Variants in ZNF326 observed in about 807,000 individuals in gnomAD.
ZNF326 encodes the protein zinc finger protein 326, also known as DBIRD complex subunit ZNF326.
In ZNF326, 30 loss-of-function variants were observed where a neutral mutation model predicts 63.1. That is an observed-to-expected ratio of 0.48 (90% CI 0.36 to 0.64). ZNF326 has a LOEUF of 0.64. Among genes scored for constraint, ZNF326 ranks in the 30% least tolerant of loss-of-function variants. ZNF326 has a pLI of 0.00. For missense variants in ZNF326, 609 were observed against 720.3 expected (o/e 0.85, Z 1.77); for synonymous variants, 194 against 228.2 (o/e 0.85, Z 1.35).
Position 90,030,777 on chromosome 1 carries a change from C to T in ZNF326, c.*3076C>T, listed in dbSNP as rs141443089. ...ACCTCCTGGGCTCAAGCGGTCGTCC[C>T]GCCTTAGCCTCCCAAGTAGCTGGGA... is the stretch of plus-strand genomic sequence containing the variant. On this transcript the variant is annotated 3_prime_UTR_variant, in exon 12 of 12. Coordinates refer to ENST00000340281, the MANE Select transcript of ZNF326 (RefSeq NM_182976.4). 0.011 allele frequency: 1,740 copies of T among 152,184 alleles called. 22 individuals are homozygous for T. The highest frequency in any genetic ancestry group is 0.065 in the South Asian group (313 of 4,820). The allele number at this position is 152,184 out of a possible 1,614,324, so 9.4% of individuals were successfully genotyped here. A position where few individuals can be genotyped will look rare whatever the true frequency, so the allele number is the denominator to read the frequency against.
intron 1 of ZNF326, among the ~76,000 whole-genome samples, chr1:89,997,778 A>G (rs930307979): frequency 6.6e-6 from 1 of 152,214 alleles, no homozygotes; most frequent in Non-Finnish European, 1.5e-5. Context: ...GCATTATTTG[A>G]TACATAATTT....
intron 2 of ZNF326, among the ~76,000 whole-genome samples, chr1:90,001,610 A>G (rs2101052894): frequency 6.6e-6 from 1 of 151,266 alleles, no homozygotes; most frequent in Admixed American, 6.6e-5. Flanking sequence ...CTAGAGTGCA[A>G]TGGTGTGATC....
In ZNF326 at chr1:90,028,560, G is replaced by A. The variant is rs1457465750; in HGVS notation, c.*859G>A. Reference sequence around the variant, plus strand: ...TTTCTGTAGTTGTGTTAGTTCTTTTGTCATGTCTGTTTTTGGCTGAAGAAC... The same window carrying A: ...TTTCTGTAGTTGTGTTAGTTCTTTTATCATGTCTGTTTTTGGCTGAAGAAC... On this transcript the variant is annotated 3_prime_UTR_variant, in exon 12 of 12. Coordinates refer to ENST00000340281, the MANE Select transcript of ZNF326 (RefSeq NM_182976.4). The A allele has an allele frequency of 2.0e-5, 3 of 152,000 alleles. No individual in the cohort carries two copies. Among genetic ancestry groups the A allele is most frequent in the Non-Finnish European group, 4.4e-5 (3 of 67,974 alleles). The allele number at this position is 152,000 out of a possible 1,614,324, so 9.4% of individuals were successfully genotyped here.
At chr1:90,003,066 A>C (rs1486527224) in intron 2 of ZNF326, among the ~76,000 whole-genome samples, 3 of 151,902 alleles carry the variant, frequency 2.0e-5, no homozygotes, top group African/African-American at 7.3e-5. Flanking sequence ...GAAAGCATGA[A>C]TTTTATCCTT....
Position 90,014,844 on chromosome 1 carries a change from CTT to C in ZNF326, c.926+1609_926+1610del, listed in dbSNP as rs532564197. 1.6e-4 allele frequency among the ~76,000 whole-genome samples: 24 copies of C among 152,196 alleles called. No individual in the cohort carries two copies. In the South Asian group the frequency reaches 4.8e-3, roughly 30 times the overall value. On this transcript the variant is annotated intron_variant, in intron 7 of 11. Transcript: ENST00000340281. ...AGTTAATATTTTGGTGTAGAAATGA[CTT>C]TAAATTATCAGCGTCTTGGAGTGTA...
intron 10 of ZNF326, among the ~76,000 whole-genome samples, 167 bp downstream of exon 10, chr1:90,021,089 C>T (rs1649748054): frequency 6.6e-6 from 1 of 152,050 alleles, no homozygotes; most frequent in Non-Finnish European, 1.5e-5. Context: ...TAAGACTGAG[C>T]TCTAAAGTAA....
At chr1:90,006,523 G>A (rs1006966501) in intron 4 of ZNF326, 8 of 965,810 alleles carry the variant, frequency 8.3e-6, no homozygotes, top group African/African-American at 3.5e-5. Context: ...TTAAAACCTC[G>A]AGGAGACTGT....
intron 8 of ZNF326, 123 bp from the exon 9 acceptor site, chr1:90,018,559 CCTT>C (rs1649608935): frequency 1.0e-5 from 5 of 480,114 alleles, no homozygotes; most frequent in Middle Eastern, 3.4e-4. Context: ...ATTATAAACT[CCTT>C]GAGAAAAGAT....
In ZNF326 at chr1:90,020,934, A is replaced by C; in HGVS notation, c.1305+12A>C. 2 of 1,610,678 alleles carry C rather than the reference A, an allele frequency of 1.2e-6. No homozygotes were observed. The highest frequency in any genetic ancestry group is 1.7e-6 in the Non-Finnish European group (2 of 1,178,582). On this transcript the variant is annotated intron_variant, in intron 10 of 11. Coordinates refer to ENST00000340281, the MANE Select transcript of ZNF326 (RefSeq NM_182976.4). ...TCAAAGGGAAGCAGGTAAAATTTTC[A>C]TCTGTCTTAATAAAGTTGCCAGATT...
In ZNF326 at chr1:90,007,482, G is replaced by A. The variant is rs1649042042; in HGVS notation, c.347G>A (p.Arg116Gln). The change falls in exon 5 of 12, where the codon CGG (arginine) becomes CAG (glutamine). Residue 116 changes from arginine (R) to glutamine (Q), a missense_variant. Arg to Gln is a conservative substitution (Grantham distance 43). Around this residue, in one of 3 missense-constraint regions of ZNF326, gnomAD observed 113 missense variants for 187.4 expected, o/e 0.60. Coordinates refer to ENST00000340281, the MANE Select transcript of ZNF326 (RefSeq NM_182976.4). This position sits in a 1 kb window ranked among gnomAD's most constrained non-coding sequence, Gnocchi z 4.9. ...SYGGRFESSY[R>Q]NSLDSFGGRN... ...GGTGGTCGATTTGAGAGCTCCTACCGGAATAGCCTTGACTCTTTCGGAGGT... is the reference window on the plus strand; with the variant it reads ...GGTGGTCGATTTGAGAGCTCCTACCAGAATAGCCTTGACTCTTTCGGAGGT... 3 of 1,614,076 alleles carry A rather than the reference G, an allele frequency of 1.9e-6. No homozygotes were observed. Among genetic ancestry groups the A allele is most frequent in the Non-Finnish European group, 2.5e-6 (3 of 1,180,014 alleles).
rs145587449 is a variant in ZNF326 at position 89,996,290 on chromosome 1, A to T, written c.16+1017A>T. Among the ~76,000 whole-genome samples the T allele has an allele frequency of 3.5e-3, 529 of 152,352 alleles. 4 individuals are homozygous for T. Among genetic ancestry groups the T allele is most frequent in the South Asian group, 0.021 (102 of 4,830 alleles). On this transcript the variant is annotated intron_variant, in intron 1 of 11. Coordinates refer to ENST00000340281, the MANE Select transcript of ZNF326 (RefSeq NM_182976.4). Reference sequence around the variant, plus strand: ...ATGCTTAAGTAAAACCAGTTCACTAAGTAGGCTGTAAACTTTTAACCCCAC... The same window carrying T: ...ATGCTTAAGTAAAACCAGTTCACTATGTAGGCTGTAAACTTTTAACCCCAC...
chr1:90,033,645 A>G lies in ZNF326; in HGVS notation c.*5944A>G, dbSNP rs138915139. 32 of 152,300 alleles carry G rather than the reference A, an allele frequency of 2.1e-4. No individual in the cohort carries two copies. Among genetic ancestry groups the G allele is most frequent in the African/African-American group, 7.5e-4 (31 of 41,582 alleles). 9.4% of individuals were successfully genotyped at this position (152,300 alleles called of 1,614,324 possible). A position where few individuals can be genotyped will look rare whatever the true frequency, so the allele number is the denominator to read the frequency against. ...TGGCTGAGAATCAAATTACTGAGCT[A>G]GAATTTTGAGCTGAAGATACTTCCA... On this transcript the variant is annotated 3_prime_UTR_variant, in exon 12 of 12. Transcript: ENST00000340281.
At chr1:90,014,361 A>G (rs1557523910) in intron 7 of ZNF326, among the ~76,000 whole-genome samples, 1 of 152,194 alleles carries the variant, frequency 6.6e-6, no homozygotes, top group African/African-American at 2.4e-5. Flanking sequence ...ACATCACCCA[A>G]ATTATTTTAA....
chr1:90,012,736 C>T (rs558448078), intron 6 of ZNF326, among the ~76,000 whole-genome samples: 2 of 152,268 alleles, frequency 1.3e-5, no homozygotes, highest in East Asian at 1.9e-4. Context: ...GCAGTGTTTA[C>T]TGGACTTCCA....
At chr1:90,021,203 C>T (rs1019328167) in intron 10 of ZNF326, among the ~76,000 whole-genome samples, 8 of 152,042 alleles carry the variant, frequency 5.3e-5, no homozygotes, top group African/African-American at 1.9e-4. Context: ...GATCATTCTA[C>T]TCTTATCTGA....
At chr1:90,003,154 CG>C (rs1297159578) in intron 2 of ZNF326, among the ~76,000 whole-genome samples, 1 of 144,192 alleles carries the variant, frequency 6.9e-6, no homozygotes, top group African/African-American at 2.6e-5. Flanking sequence ...TTCTTTGAGA[CG>C]GGTCTCACTC....
chr1:90,027,123 T>C (rs1442670175), intron 11 of ZNF326, among the ~76,000 whole-genome samples: 2 of 152,122 alleles, frequency 1.3e-5, no homozygotes, highest in African/African-American at 2.4e-5. Context: ...GGGGAAAATA[T>C]GACCTTTAAG....
At chr1:89,998,211 A>G in intron 2 of ZNF326, 57 bp downstream of exon 2, 1 of 1,551,778 alleles carries the variant, frequency 6.4e-7, no homozygotes, top group Non-Finnish European at 8.9e-7. Flanking sequence ...GTATCAATGT[A>G]AAAGGCCAGT....
intron 10 of ZNF326, 149 bp downstream of exon 10, chr1:90,021,071 A>G (rs1475531901): frequency 1.2e-6 from 1 of 851,004 alleles, no homozygotes; most frequent in Non-Finnish European, 1.8e-6. Context: ...GAGGCAGTAT[A>G]TAGTGGTTAA....
Sources: allele counts gnomAD v4.1 joint callset (sites outside exome capture counted in the v4.1 genomes callset), GRCh38; gene constraint gnomAD v4.1.1; regional missense constraint gnomAD v4.1.1; non-coding constraint Gnocchi (gnomAD v3.1); transcripts MANE v1.5; gene names NCBI Gene and HGNC (gene_info 2026-07-23, HGNC 2026-07-21).